Variants in BRMS1L observed in about 807,000 individuals in gnomAD.
BRMS1L encodes BRMS1 like transcriptional repressor, also known as breast cancer metastasis-suppressor 1-like protein.
Under a neutral mutation model 50.3 loss-of-function variants are expected in BRMS1L, and 23 were observed. That is an observed-to-expected ratio of 0.46 (90% CI 0.33 to 0.65). BRMS1L has a LOEUF of 0.65. Among genes scored for constraint, BRMS1L ranks in the 30% least tolerant of loss-of-function variants. The pLI is 0.02. For missense variants in BRMS1L, 286 were observed against 386.1 expected, an observed-to-expected ratio of 0.74 and a Z score of 2.17; for synonymous variants, 114 against 126.9, an observed-to-expected ratio of 0.90 and a Z score of 0.69.
At chr14:35,853,400 A>AATGATG (rs200810819) in intron 4 of BRMS1L, among the ~76,000 whole-genome samples, 2 of 151,140 alleles carry the variant, frequency 1.3e-5, no homozygotes, top group Admixed American at 6.6e-5. Flanking sequence ...TGATGATGTT[A>AATGATG]ATGATGATGA....
At chr14:35,830,811 G>C (rs2077909457) in intron 1 of BRMS1L, among the ~76,000 whole-genome samples, 1 of 152,158 alleles carries the variant, frequency 6.6e-6, no homozygotes. Context: ...CCAAATGTGG[G>C]CTAATTACTT....
intron 4 of BRMS1L, among the ~76,000 whole-genome samples, chr14:35,853,967 A>G (rs569006757): frequency 1.3e-5 from 2 of 152,250 alleles, no homozygotes; most frequent in East Asian, 3.9e-4. Context: ...AAAATTATTA[A>G]CTCTGCCCAC....
intron 7 of BRMS1L, 114 bp downstream of exon 7, chr14:35,865,113 A>G: frequency 1.4e-6 from 1 of 734,272 alleles, no homozygotes. Flanking sequence ...TTGCTTTTGC[A>G]ACATTTTTCT....
At chr14:35,865,684 G>T in intron 7 of BRMS1L, 38 bp from the exon 8 acceptor site, 1 of 1,507,614 alleles carries the variant, frequency 6.6e-7, no homozygotes, top group Non-Finnish European at 9.0e-7. Context: ...TCTGAACTCA[G>T]ACTTCTTTCT....
chr14:35,831,870 G>C (rs939466208), intron 2 of BRMS1L, among the ~76,000 whole-genome samples: 1 of 152,006 alleles, frequency 6.6e-6, no homozygotes, highest in African/African-American at 2.4e-5. Flanking sequence ...CAAGTGAGCT[G>C]TGCTCGTGCC....
Position 35,863,903 on chromosome 14 carries a change from A to C in BRMS1L, c.572A>C (p.Lys191Thr). The C allele has an allele frequency of 6.2e-7, 1 of 1,614,050 alleles. No homozygotes were observed. The highest frequency in any genetic ancestry group is 2.2e-5 in the East Asian group (1 of 44,852). Residue 191 changes from lysine to threonine, a missense_variant, in exon 6 of 10, where the codon AAG becomes ACG. Lys to Thr is a moderately conservative substitution (Grantham distance 78, BLOSUM62 -1). Transcript: ENST00000216807. ...LWNDELQSRK[K>T]RKDPFSPDKK... ...AATGATGAGCTTCAGTCAAGAAAAAAGAGGAAGGATCCTTTCAGTCCTGAC... is the reference window on the plus strand; with the variant it reads ...AATGATGAGCTTCAGTCAAGAAAAACGAGGAAGGATCCTTTCAGTCCTGAC...
intron 8 of BRMS1L, among the ~76,000 whole-genome samples, chr14:35,866,363 A>G (rs2078421268): frequency 6.6e-6 from 1 of 152,204 alleles, no homozygotes; most frequent in Non-Finnish European, 1.5e-5. Context: ...TAGGAAAGGA[A>G]TTTCTAGTCA....
intron 4 of BRMS1L, among the ~76,000 whole-genome samples, chr14:35,844,481 C>G (rs1343927038): frequency 6.6e-6 from 1 of 152,152 alleles, no homozygotes; most frequent in Non-Finnish European, 1.5e-5. Context: ...GAGGTGATGC[C>G]CTACCCTGCT....
chr14:35,867,275 G>T (rs1190927949), intron 8 of BRMS1L, among the ~76,000 whole-genome samples: 1 of 152,158 alleles, frequency 6.6e-6, no homozygotes, highest in Non-Finnish European at 1.5e-5. Context: ...CTGTGCAGTT[G>T]ATATAACAAT....
At chr14:35,864,644 A>G (rs2078397562) in intron 6 of BRMS1L, among the ~76,000 whole-genome samples, 1 of 152,160 alleles carries the variant, frequency 6.6e-6, no homozygotes, top group African/African-American at 2.4e-5. Context: ...CTATGGTACC[A>G]TCCCTCTACC....
chr14:35,850,288 A>G (rs1595669540), intron 4 of BRMS1L, among the ~76,000 whole-genome samples: 1 of 147,810 alleles, frequency 6.8e-6, no homozygotes, highest in East Asian at 2.0e-4. Context: ...GCTCACCCCA[A>G]CCTCTGTCTC....
chr14:35,860,792 T>G (rs1266970332), intron 4 of BRMS1L, among the ~76,000 whole-genome samples: 1 of 152,198 alleles, frequency 6.6e-6, no homozygotes, highest in Non-Finnish European at 1.5e-5. Context: ...TGGGGCTTTT[T>G]AAAGCTCTCC....
At chr14:35,842,718 T>C (rs1485137328) in intron 4 of BRMS1L, among the ~76,000 whole-genome samples, 1 of 152,218 alleles carries the variant, frequency 6.6e-6, no homozygotes, top group Admixed American at 6.5e-5. Context: ...ATTTGAATTT[T>C]GGCCTATCTT....
rs558109105 is a variant in BRMS1L at position 35,837,340 on chromosome 14, C to A, written c.441+2417C>A. ...TGTCAACACTATTTATTACATACACCCTTGTTTCCCCAGAACTCAGCAATT... is the reference window on the plus strand; with the variant it reads ...TGTCAACACTATTTATTACATACACACTTGTTTCCCCAGAACTCAGCAATT... On this transcript the variant is annotated intron_variant, in intron 4 of 9. Transcript: ENST00000216807. 2.8e-4 allele frequency among the ~76,000 whole-genome samples: 42 copies of A among 152,092 alleles called. No homozygotes were observed. The South Asian group carries it at 8.3e-3, about 30-fold the overall frequency.
chr14:35,861,409 G>C (rs1054096499), intron 4 of BRMS1L, among the ~76,000 whole-genome samples: 1 of 152,084 alleles, frequency 6.6e-6, no homozygotes, highest in Non-Finnish European at 1.5e-5. Context: ...CTGCTACCAC[G>C]GTCTTGTGGA....
chr14:35,835,530 T>A (rs534516470), intron 4 of BRMS1L, among the ~76,000 whole-genome samples: 2 of 152,248 alleles, frequency 1.3e-5, no homozygotes, highest in African/African-American at 4.8e-5. Flanking sequence ...ATAAATGGGT[T>A]AAAATATTTA....
intron 4 of BRMS1L, among the ~76,000 whole-genome samples, chr14:35,841,044 T>G (rs2142043893): frequency 6.6e-6 from 1 of 152,284 alleles, no homozygotes; most frequent in African/African-American, 2.4e-5. Flanking sequence ...GATTCTGGTA[T>G]GTTGTGTCTT....
At chr14:35,843,738 T>G (rs2078096042) in intron 4 of BRMS1L, among the ~76,000 whole-genome samples, 1 of 152,228 alleles carries the variant, frequency 6.6e-6, no homozygotes, top group Non-Finnish European at 1.5e-5. Flanking sequence ...GCTGCTCTCT[T>G]TAGAGCTGGC....
At chr14:35,843,087 A>G (rs1173835131) in intron 4 of BRMS1L, among the ~76,000 whole-genome samples, 1 of 152,030 alleles carries the variant, frequency 6.6e-6, no homozygotes, top group Non-Finnish European at 1.5e-5. Context: ...GTAGCCTTTT[A>G]TCAAGGTTCT....
Sources: allele counts gnomAD v4.1 joint callset (sites outside exome capture counted in the v4.1 genomes callset), GRCh38; gene constraint gnomAD v4.1.1; transcripts MANE v1.5; gene names NCBI Gene and HGNC (gene_info 2026-07-23, HGNC 2026-07-21).